The following EEFSEC variants were observed in gnomAD, a reference collection of about 807,000 sequenced individuals.
EEFSEC encodes the protein eukaryotic elongation factor, selenocysteine-tRNA specific.
A neutral mutation model predicts 42.1 loss-of-function variants in EEFSEC; 43 were observed. The ratio of observed to expected loss-of-function variants is 1.02; its 90% CI spans 0.80 to 1.32. The LOEUF (loss-of-function observed/expected upper bound fraction) is 1.32, where lower values mean the gene tolerates loss of function less well. Among genes scored for constraint, EEFSEC ranks in the 40% most tolerant of loss-of-function variants. The pLI, the probability that EEFSEC is intolerant of heterozygous loss-of-function variation, is 0.00. For missense variants in EEFSEC, 745 were observed against 803.6 expected (o/e 0.93, Z 0.88); for synonymous variants, 354 against 339.1 (o/e 1.04, Z -0.48).
At chr3:128,235,421 T>C (rs1434180722) in intron 1 of EEFSEC, among the ~76,000 whole-genome samples, 2 of 152,214 alleles carry the variant, frequency 1.3e-5, no homozygotes, top group African/African-American at 4.8e-5. Flanking sequence ...CGTATGTATG[T>C]ACATAGTTCA....
chr3:128,358,409 C>T (rs199991560), intron 6 of EEFSEC, 36 bp downstream of exon 6: 95 of 1,610,442 alleles, frequency 5.9e-5, no homozygotes, highest in Middle Eastern at 5.0e-4. Context: ...TTAGGGACAC[C>T]GTGCAGGGCA....
intron 1 of EEFSEC, among the ~76,000 whole-genome samples, chr3:128,203,177 A>G (rs2065659823): frequency 6.6e-6 from 1 of 152,240 alleles, no homozygotes; most frequent in South Asian, 2.1e-4. Context: ...ATTTGAGACA[A>G]TTTGTGAAAC....
chr3:128,254,497 C>T (rs148290143), intron 2 of EEFSEC, among the ~76,000 whole-genome samples: 7 of 152,152 alleles, frequency 4.6e-5, no homozygotes, highest in Non-Finnish European at 8.8e-5. Flanking sequence ...GAAATGGGGG[C>T]TGAGTGAGGT....
At chr3:128,245,061 A>T (rs1225874214) in intron 1 of EEFSEC, among the ~76,000 whole-genome samples, 1 of 152,244 alleles carries the variant, frequency 6.6e-6, no homozygotes, top group African/African-American at 2.4e-5. Flanking sequence ...GCCTCTGCAG[A>T]GGTTATACCA....
At chr3:128,328,281 G>A (rs1256482182) in intron 4 of EEFSEC, among the ~76,000 whole-genome samples, 2 of 152,316 alleles carry the variant, frequency 1.3e-5, no homozygotes, top group Middle Eastern at 3.4e-3. Context: ...GGTGGGAGGT[G>A]AGTGCAGGGG....
At chr3:128,210,645 A>C (rs1297179261) in intron 1 of EEFSEC, among the ~76,000 whole-genome samples, 1 of 152,254 alleles carries the variant, frequency 6.6e-6, no homozygotes, top group Non-Finnish European at 1.5e-5. Context: ...CTTCCCAATT[A>C]CATCTCTGAA....
Position 128,335,202 on chromosome 3 carries a change from A to C in EEFSEC, c.787-6031A>C, listed in dbSNP as rs569953112. Among the ~76,000 whole-genome samples, 4 of 152,346 alleles carry C rather than the reference A, an allele frequency of 2.6e-5. No homozygotes were observed. In the South Asian group the frequency reaches 8.3e-4, roughly 32 times the overall value. ...GCTGGGCACTGCAGATAGAAATGGA[A>C]AAAAACAAAGCAAAGCCTGGTCCTC... On this transcript the variant is annotated intron_variant, in intron 4 of 6. Transcript: ENST00000254730.
chr3:128,292,871 A>G (rs1263056801), intron 4 of EEFSEC, among the ~76,000 whole-genome samples: 1 of 151,934 alleles, frequency 6.6e-6, no homozygotes, highest in Non-Finnish European at 1.5e-5. Flanking sequence ...TTAGCTTCTA[A>G]GATGAAAGCT....
chr3:128,380,466 G>A (rs891767750), intron 6 of EEFSEC, among the ~76,000 whole-genome samples: 7 of 152,146 alleles, frequency 4.6e-5, no homozygotes, highest in African/African-American at 1.7e-4. Context: ...ATCTTGTTTG[G>A]GGGAAGTGAA....
intron 6 of EEFSEC, among the ~76,000 whole-genome samples, chr3:128,392,885 T>G (rs1576698211): frequency 6.6e-6 from 1 of 152,044 alleles, no homozygotes; most frequent in Non-Finnish European, 1.5e-5. Context: ...AAGGGGGTGG[T>G]GGGTACAGCC....
At chr3:128,321,173 G>C (rs1445597838) in intron 4 of EEFSEC, among the ~76,000 whole-genome samples, 1 of 152,182 alleles carries the variant, frequency 6.6e-6, no homozygotes, top group East Asian at 1.9e-4. Context: ...GCCAAGGTGG[G>C]AGACAGGTGG....
intron 6 of EEFSEC, among the ~76,000 whole-genome samples, chr3:128,370,374 A>T (rs929461126): frequency 6.6e-6 from 1 of 151,882 alleles, no homozygotes; most frequent in African/African-American, 2.4e-5. Flanking sequence ...AGCGGCCCAC[A>T]CTCACCACCG....
intron 6 of EEFSEC, among the ~76,000 whole-genome samples, chr3:128,361,610 A>G (rs2067526436): frequency 6.6e-6 from 1 of 152,150 alleles, no homozygotes; most frequent in Admixed American, 6.5e-5. Context: ...TCCTGATGCT[A>G]GGGCTGTTGA....
intron 2 of EEFSEC, among the ~76,000 whole-genome samples, chr3:128,259,709 C>G (rs1400196790): frequency 6.6e-6 from 1 of 152,168 alleles, no homozygotes; most frequent in Non-Finnish European, 1.5e-5. Flanking sequence ...TATGGACTTA[C>G]CTATTCTGGT....
chr3:128,166,736 G>A (rs897402325), intron 1 of EEFSEC, among the ~76,000 whole-genome samples: 3 of 151,944 alleles, frequency 2.0e-5, no homozygotes, highest in African/African-American at 7.3e-5. Context: ...CTGCTCCTCA[G>A]TGTGTCCTCC....
At chr3:128,336,536 A>G (rs2067191530) in intron 4 of EEFSEC, among the ~76,000 whole-genome samples, 1 of 151,876 alleles carries the variant, frequency 6.6e-6, no homozygotes, top group Non-Finnish European at 1.5e-5. Context: ...GGACCACCGC[A>G]CCTCAGCCAG....
chr3:128,261,660 G>A (rs983708585), intron 2 of EEFSEC, among the ~76,000 whole-genome samples: 5 of 149,038 alleles, frequency 3.4e-5, no homozygotes, highest in Non-Finnish European at 7.4e-5. Context: ...GGCTTTGCTA[G>A]TAGAGTTTAG....
At chr3:128,204,872 A>G (rs1398732767) in intron 1 of EEFSEC, among the ~76,000 whole-genome samples, 1 of 152,162 alleles carries the variant, frequency 6.6e-6, no homozygotes, top group Non-Finnish European at 1.5e-5. Flanking sequence ...TCAAAACTGA[A>G]TTATAAAAGA....
chr3:128,305,939 G>A (rs1304915502), intron 4 of EEFSEC, among the ~76,000 whole-genome samples: 1 of 152,126 alleles, frequency 6.6e-6, no homozygotes, highest in East Asian at 1.9e-4. Context: ...TGTCCTTTGA[G>A]CACCGTTTTA....
Sources: allele counts gnomAD v4.1 joint callset (sites outside exome capture counted in the v4.1 genomes callset), GRCh38; gene constraint gnomAD v4.1.1; transcripts MANE v1.5; gene names NCBI Gene and HGNC (gene_info 2026-07-23, HGNC 2026-07-21).